Variants in ZMIZ1 observed in about 807,000 individuals in gnomAD.
ZMIZ1 encodes the protein zinc finger MIZ domain-containing protein 1.
Under a neutral mutation model 113.9 loss-of-function variants are expected in ZMIZ1, and 17 were observed. That is an observed-to-expected ratio of 0.15 (90% confidence interval 0.10 to 0.22). The LOEUF is 0.22. Ranked by LOEUF, ZMIZ1 falls within the 10% of genes least tolerant of loss-of-function variation. The probability of loss-of-function intolerance (pLI) is 1.00; values close to 1 mark genes in which losing one functional copy is unlikely to be tolerated. For synonymous variants in ZMIZ1, 607 were observed against 603.1 expected (o/e 1.01, Z -0.09); for missense variants, 1,059 against 1,477.8 (o/e 0.72, Z 4.65).
At chr10:79,111,302 G>A (rs1275197377) in intron 1 of ZMIZ1, among the ~76,000 whole-genome samples, 1 of 152,234 alleles carries the variant, frequency 6.6e-6, no homozygotes, top group Non-Finnish European at 1.5e-5. Flanking sequence ...AGGTGGGCAG[G>A]CAAGGGAGGA....
At chr10:79,082,683 C>T (rs1351320476) in intron 1 of ZMIZ1, among the ~76,000 whole-genome samples, 2 of 152,232 alleles carry the variant, frequency 1.3e-5, no homozygotes, top group African/African-American at 2.4e-5. Context: ...CGAGGCTGTC[C>T]TTGGCCTTCC....
chr10:79,152,609 C>T (rs969466560), intron 3 of ZMIZ1, among the ~76,000 whole-genome samples: 2 of 152,226 alleles, frequency 1.3e-5, no homozygotes, highest in African/African-American at 4.8e-5. Context: ...TGGCCTCAGA[C>T]GGGCTGCTTT....
chr10:79,083,417 G>T (rs916953440), intron 1 of ZMIZ1, among the ~76,000 whole-genome samples: 20 of 152,284 alleles, frequency 1.3e-4, no homozygotes, highest in Middle Eastern at 3.4e-3. Context: ...ATGGAGTGAG[G>T]GAAGGAGAGA....
intron 1 of ZMIZ1, among the ~76,000 whole-genome samples, chr10:79,112,046 G>A (rs1471264312): frequency 6.6e-6 from 1 of 152,242 alleles, no homozygotes; most frequent in Non-Finnish European, 1.5e-5. Context: ...CTGAGTGATT[G>A]TGGTGTGGCT....
intron 4 of ZMIZ1, among the ~76,000 whole-genome samples, chr10:79,198,198 G>A (rs1276043036): frequency 6.6e-6 from 1 of 152,138 alleles, no homozygotes; most frequent in African/African-American, 2.4e-5. Context: ...GGCAGAGCTT[G>A]CAGTGAGTGG....
intron 7 of ZMIZ1, among the ~76,000 whole-genome samples, chr10:79,228,251 G>A (rs144273380): frequency 9.5e-4 from 145 of 152,366 alleles, no homozygotes; most frequent in African/African-American, 3.4e-3. Flanking sequence ...TTAGGAAACT[G>A]ACGCTCAAAG....
intron 8 of ZMIZ1, among the ~76,000 whole-genome samples, chr10:79,286,534 C>T (rs1299320882): frequency 1.3e-5 from 2 of 152,266 alleles, no homozygotes; most frequent in Non-Finnish European, 2.9e-5. Flanking sequence ...CCTGTCTCTT[C>T]CCCAGTGCAC....
Position 79,311,048 on chromosome 10 carries a change from C to T in ZMIZ1, c.2960C>T (p.Ser987Phe). The stretch of plus-strand genomic sequence containing the variant: ...AGTGGGGCTCCTCCTCCTCCTCCTT[C>T]CCAGCCTCCCCGGCAGCCGCCACAG... ...HHSGAPPPPP[S>F]QPPRQPPQAA... Residue 987 changes from serine to phenylalanine, a missense_variant, in exon 24 of 25, where the codon TCC becomes TTC. Ser to Phe is a radical substitution (Grantham distance 155). Transcript: ENST00000334512. 1.9e-6 allele frequency: 3 copies of T among 1,613,656 alleles called. No individual in the cohort carries two copies. The highest frequency in any genetic ancestry group is 2.5e-6 in the Non-Finnish European group (3 of 1,180,018).
intron 7 of ZMIZ1, among the ~76,000 whole-genome samples, chr10:79,229,413 A>T (rs1849309899): frequency 6.6e-6 from 1 of 152,130 alleles, no homozygotes; most frequent in Admixed American, 6.5e-5. Context: ...TTATATTCCT[A>T]GGAAAGCTTC....
intron 8 of ZMIZ1, among the ~76,000 whole-genome samples, chr10:79,286,093 G>T (rs1030296766): frequency 4.6e-5 from 7 of 152,204 alleles, no homozygotes; most frequent in Non-Finnish European, 1.0e-4. Flanking sequence ...GGCCATGCTG[G>T]ATTAGGGTTG....
chr10:79,193,851 C>T (rs1444718299), intron 4 of ZMIZ1, among the ~76,000 whole-genome samples: 2 of 152,148 alleles, frequency 1.3e-5, no homozygotes, highest in Non-Finnish European at 2.9e-5. Flanking sequence ...AGCAGCCCCA[C>T]GTTGGGGACA....
intron 7 of ZMIZ1, among the ~76,000 whole-genome samples, chr10:79,243,366 C>T (rs1389585294): frequency 6.7e-6 from 1 of 149,480 alleles, no homozygotes; most frequent in African/African-American, 2.4e-5. Flanking sequence ...GCGGCGGCGG[C>T]CCCATTAGCG....
At chr10:79,149,782 T>C (rs1845638360) in intron 3 of ZMIZ1, among the ~76,000 whole-genome samples, 1 of 152,260 alleles carries the variant, frequency 6.6e-6, no homozygotes, top group Non-Finnish European at 1.5e-5. Context: ...TCCTGGTCTC[T>C]TGGGCATGAC....
intron 7 of ZMIZ1, among the ~76,000 whole-genome samples, chr10:79,248,207 C>CT (rs1850325997): frequency 6.6e-6 from 1 of 152,154 alleles, no homozygotes; most frequent in Non-Finnish European, 1.5e-5. Flanking sequence ...AAAATGGTGA[C>CT]TTTCAGGCTG....
chr10:79,244,205 A>T (rs550554108), intron 7 of ZMIZ1, among the ~76,000 whole-genome samples: 1 of 152,220 alleles, frequency 6.6e-6, no homozygotes, highest in African/African-American at 2.4e-5. Context: ...TGATGCCACC[A>T]TTGCGGCAGG....
intron 5 of ZMIZ1, among the ~76,000 whole-genome samples, chr10:79,204,692 G>T (rs919903902): frequency 6.6e-6 from 1 of 152,222 alleles, no homozygotes; most frequent in Admixed American, 6.5e-5. Flanking sequence ...AGCTATTTTA[G>T]GTGGGCTGAG....
intron 6 of ZMIZ1, among the ~76,000 whole-genome samples, chr10:79,210,035 T>G (rs1848473194): frequency 6.6e-6 from 1 of 152,224 alleles, no homozygotes; most frequent in Non-Finnish European, 1.5e-5. Context: ...CTTCAGCCCA[T>G]GGGATCCCCT....
chr10:79,240,115 C>T (rs1029082701), intron 7 of ZMIZ1, among the ~76,000 whole-genome samples: 4 of 152,220 alleles, frequency 2.6e-5, no homozygotes, highest in Non-Finnish European at 5.9e-5. Context: ...TTGATCCTCG[C>T]GTCAGGCCTC....
chr10:79,305,046 G>A, intron 19 of ZMIZ1, 118 bp from the exon 20 acceptor site: 9 of 1,167,748 alleles, frequency 7.7e-6, no homozygotes, highest in Non-Finnish European at 1.1e-5. Flanking sequence ...CCAGCCCGGG[G>A]TTTCTCCCAC....
Sources: gnomAD v4.1 joint callset for allele counts (sites outside exome capture counted in the v4.1 genomes callset) on GRCh38, gnomAD v4.1.1 for gene constraint, MANE v1.5 for transcripts, NCBI Gene and HGNC (gene_info 2026-07-23, HGNC 2026-07-21) for gene names.